SLC45A4: variants seen among roughly 807,000 people sequenced by gnomAD.
The protein encoded by SLC45A4 is polyamine-transporter SLC45A4.
SLC45A4 carries 32 observed loss-of-function variants against 63.7 expected under a neutral mutation model. The observed-to-expected ratio is 0.50, with a 90% CI of 0.38 to 0.67. SLC45A4 has a LOEUF of 0.67. Among genes scored for constraint, SLC45A4 ranks in the 30% least tolerant of loss-of-function variants. SLC45A4 has a pLI of 0.00. For synonymous variants in SLC45A4, 535 were observed against 510.0 expected, an observed-to-expected ratio of 1.05 and a Z score of -0.66; for missense variants, 1,027 against 1,157.7, an observed-to-expected ratio of 0.89 and a Z score of 1.64.
At position 141,218,349 on chromosome 8, in the gene SLC45A4, C is replaced by A. The variant is rs745745921; in HGVS notation, c.1291G>T (p.Gly431Cys). The change falls in exon 5 of 9, where the codon GGC (glycine) becomes TGC (cysteine). Residue 431 changes from glycine to cysteine, a missense_variant. Transcript: ENST00000517878. ...RQASSTFSYY[G>C]KLGSHCYRYR... ...CGGTAGCAGTGGGACCCAAGCTTGC[C>A]GTAGTAGGAGAAGGTGCTGGAGGCC... 6.2e-7 allele frequency: 1 copy of A among 1,608,158 alleles called. No individual in the cohort carries two copies. Among genetic ancestry groups the A allele is most frequent in the Non-Finnish European group, 8.5e-7 (1 of 1,179,840 alleles).
chr8:141,253,211 G>A (rs1450934050), intron 2 of SLC45A4: 2 of 117,352 alleles, frequency 1.7e-5, no homozygotes, highest in African/African-American at 2.9e-5. Flanking sequence ...GTGTTTTCAT[G>A]CCCACCTGCG....
intron 7 of SLC45A4, among the ~76,000 whole-genome samples, chr8:141,213,161 G>A (rs1825941038): frequency 6.6e-6 from 1 of 152,032 alleles, no homozygotes; most frequent in Admixed American, 6.6e-5. Context: ...CTAAATGTGT[G>A]TGCCATAATC....
chr8:141,212,074 GGTC>G, intron 8 of SLC45A4, 120 bp downstream of exon 8: 1 of 1,408,368 alleles, frequency 7.1e-7, no homozygotes, highest in Non-Finnish European at 9.2e-7. Context: ...CGCACTGCCG[GGTC>G]GGCCACAGCA....
intron 1 of SLC45A4, among the ~76,000 whole-genome samples, chr8:141,263,781 A>AT (rs1554598338): frequency 0.017 from 2,379 of 140,376 alleles, 54 homozygotes; most frequent in African/African-American, 0.045. Context: ...AAAAAAAAAA[A>AT]AATAAAAATA....
At chr8:141,212,622 C>T in intron 7 of SLC45A4, 66 bp from the exon 8 acceptor site, 1 of 1,497,458 alleles carries the variant, frequency 6.7e-7, no homozygotes, top group South Asian at 1.3e-5. Flanking sequence ...TGCTTCACAA[C>T]TGTGAGTATT....
At position 141,284,949 on chromosome 8, in the gene SLC45A4, G is replaced by A. The variant is rs574912416; in HGVS notation, c.-401+23147C>T. On this transcript the variant is annotated intron_variant, in intron 1 of 8. Coordinates refer to ENST00000517878, the MANE Select transcript of SLC45A4 (RefSeq NM_001286646.2). ...AGCGTCCACCGTGGCATGCAGAGCC[G>A]CCCCACACCCCGACTCCCTGGGGCC... Among the ~76,000 whole-genome samples, 8 of 152,130 alleles carry A rather than the reference G, an allele frequency of 5.3e-5. No individual in the cohort carries two copies. The South Asian group carries it at 8.3e-4, about 16-fold the overall frequency.
chr8:141,271,462 C>T (rs534511276), intron 1 of SLC45A4, among the ~76,000 whole-genome samples: 2 of 152,324 alleles, frequency 1.3e-5, no homozygotes, highest in African/African-American at 4.8e-5. Flanking sequence ...GCTCAGATGC[C>T]CAAGAACCAC....
At chr8:141,216,662 T>C (rs1456309623) in intron 6 of SLC45A4, among the ~76,000 whole-genome samples, 2 of 152,212 alleles carry the variant, frequency 1.3e-5, no homozygotes, top group Non-Finnish European at 2.9e-5. Flanking sequence ...CCCTGGTTCC[T>C]GGTGAGCCTC....
intron 2 of SLC45A4, among the ~76,000 whole-genome samples, chr8:141,243,749 G>A (rs559554230): frequency 3.3e-4 from 50 of 151,682 alleles, no homozygotes; most frequent in African/African-American, 1.1e-3. Flanking sequence ...CAAGACCCCC[G>A]CTCCTGATCC....
intron 1 of SLC45A4, among the ~76,000 whole-genome samples, chr8:141,298,858 G>A (rs1208774854): frequency 6.6e-6 from 1 of 152,054 alleles, no homozygotes; most frequent in African/African-American, 2.4e-5. Context: ...GGCATGGAGG[G>A]CACTGCTGCA....
intron 1 of SLC45A4, among the ~76,000 whole-genome samples, chr8:141,287,844 A>G (rs1830207791): frequency 6.6e-6 from 1 of 152,174 alleles, no homozygotes; most frequent in Non-Finnish European, 1.5e-5. Context: ...GGCACAGTCC[A>G]CAGGGTAGCA....
At position 141,211,655 on chromosome 8, in the gene SLC45A4, G is replaced by C. The variant is rs902395601; in HGVS notation, c.2344C>G (p.Leu782Val). 1 of 1,608,556 alleles carries C rather than the reference G, an allele frequency of 6.2e-7. No homozygotes were observed. The highest frequency in any genetic ancestry group is 1.7e-5 in the Admixed American group (1 of 59,580). ...ATACTCTCCAACAGCTGCGGCACCA[G>C]CCAATGTGACGAGATCTGACAGACG... ...IDVCQISSHWLVPQLLESIFL... is the reference protein window; with the variant it reads ...IDVCQISSHWVVPQLLESIFL... Residue 782 changes from leucine to valine, a missense_variant, in exon 9 of 9, where the codon CTG (leucine) becomes GTG (valine). By Grantham distance (32) the Leu-to-Val change is conservative (BLOSUM62 1). Transcript: ENST00000517878.
At chr8:141,296,093 G>A (rs1313704675) in intron 1 of SLC45A4, among the ~76,000 whole-genome samples, 3 of 152,198 alleles carry the variant, frequency 2.0e-5, no homozygotes, top group East Asian at 1.9e-4. Flanking sequence ...CACTTTGGGA[G>A]GCTGTGGTGG....
Position 141,218,938 on chromosome 8 carries a change from G to C in SLC45A4, c.702C>G (p.Leu234=). The change falls in exon 5 of 9, where the codon CTC becomes CTG. Residue 234 remains leucine, a synonymous_variant. Transcript: ENST00000517878. The part of the protein sequence containing the change: ...GSWFRTQNQV[L]FFFAAIIFTV... ...TGAAGATGATGGCGGCAAAGAAGAA[G>C]AGCACCTGGTTCTGGGTCCGGAACC... The C allele has an allele frequency of 6.2e-7, 1 of 1,613,752 alleles. No individual in the cohort carries two copies. Among genetic ancestry groups the C allele is most frequent in the Non-Finnish European group, 8.5e-7 (1 of 1,179,946 alleles).
intron 1 of SLC45A4, among the ~76,000 whole-genome samples, chr8:141,261,866 A>G (rs1306361717): frequency 6.6e-6 from 1 of 152,262 alleles, no homozygotes; most frequent in Admixed American, 6.5e-5. Flanking sequence ...ATAACTGGAA[A>G]AAACTACTTT....
chr8:141,307,222 G>A (rs1316615016), intron 1 of SLC45A4, among the ~76,000 whole-genome samples: 1 of 152,232 alleles, frequency 6.6e-6, no homozygotes, highest in Non-Finnish European at 1.5e-5. Context: ...GGATACCTGG[G>A]GGAGGAACGG....
Position 141,278,758 on chromosome 8 carries a change from G to A in SLC45A4, c.-400-24129C>T, listed in dbSNP as rs1829829390. Among the ~76,000 whole-genome samples, 1 of 152,260 alleles carries A rather than the reference G, an allele frequency of 6.6e-6. No homozygotes were observed. The highest frequency in any genetic ancestry group is 1.5e-5 in the Non-Finnish European group (1 of 68,044). ...GGGCTCCTTGCTAACGTCTCAACAAGGCACAGACGCACCCGCAAGGGAGTG... is the reference window on the plus strand; with the variant it reads ...GGGCTCCTTGCTAACGTCTCAACAAAGCACAGACGCACCCGCAAGGGAGTG... On this transcript the variant is annotated intron_variant, in intron 1 of 8. Transcript: ENST00000517878. The surrounding 1 kb of genome is among the most constrained non-coding windows in gnomAD (Gnocchi z 4.1).
chr8:141,215,882 G>T lies in SLC45A4; in HGVS notation c.1818C>A (p.Ala606=). ...LGTLGFSVGT[A]VMAMFPNVYV... ...AGACGTTGGGAAACATGGCCATCAC[G>T]GCTGTGCCGACAGAGAAGCCCAGCG... Residue 606 remains alanine, a synonymous_variant, in exon 7 of 9, where the codon GCC becomes GCA. Coordinates refer to ENST00000517878, the MANE Select transcript of SLC45A4 (RefSeq NM_001286646.2). The surrounding 1 kb of genome is among the most constrained non-coding windows in gnomAD (Gnocchi z 4.3). 6.2e-7 allele frequency: 1 copy of T among 1,614,176 alleles called. No individual in the cohort carries two copies. Among genetic ancestry groups the T allele is most frequent in the East Asian group, 2.2e-5 (1 of 44,882 alleles).
chr8:141,266,490 C>T (rs1390583221), intron 1 of SLC45A4, among the ~76,000 whole-genome samples: 1 of 152,194 alleles, frequency 6.6e-6, no homozygotes, highest in Non-Finnish European at 1.5e-5. Flanking sequence ...GTCTTCCTGC[C>T]TCTCCAGATG....
Sources: gnomAD v4.1 joint callset for allele counts (sites outside exome capture counted in the v4.1 genomes callset) on GRCh38, gnomAD v4.1.1 for gene constraint, Gnocchi (gnomAD v3.1) non-coding constraint, MANE v1.5 for transcripts, NCBI Gene and HGNC (gene_info 2026-07-23, HGNC 2026-07-21) for gene names.